The following SLC30A8 variants were observed in gnomAD, a reference collection of about 807,000 sequenced individuals.
SLC30A8 encodes the protein solute carrier family 30 member 8.
Under a neutral mutation model 36.9 loss-of-function variants are expected in SLC30A8, and 27 were observed. That is an observed-to-expected ratio of 0.73 (90% CI 0.54 to 1.01). The LOEUF is 1.01. SLC30A8 is among the 50% of genes least tolerant of loss of function. The pLI, the probability that SLC30A8 is intolerant of heterozygous loss-of-function variation, is 0.00. For missense variants in SLC30A8, 439 were observed against 452.0 expected (o/e 0.97, Z 0.26); for synonymous variants, 164 against 172.4 (o/e 0.95, Z 0.38).
intron 1 of SLC30A8, among the ~76,000 whole-genome samples, chr8:116,977,606 G>A (rs1355871173): frequency 6.6e-6 from 1 of 151,180 alleles, no homozygotes; most frequent in East Asian, 1.9e-4. Flanking sequence ...CCGCCTCCCG[G>A]GTTCAAGCAA....
intron 2 of SLC30A8, among the ~76,000 whole-genome samples, chr8:117,115,533 A>C (rs1329262643): frequency 6.6e-6 from 1 of 152,064 alleles, no homozygotes; most frequent in Non-Finnish European, 1.5e-5. Context: ...TCATTGTTAT[A>C]ATTTTATTTC....
At chr8:117,018,389 T>C (rs1816589318) in intron 1 of SLC30A8, 1 of 152,214 alleles carries the variant, frequency 6.6e-6, no homozygotes, top group South Asian at 2.1e-4. Context: ...AGCTATTTTA[T>C]ATTCTTCTTT....
rs901623560 is a variant in SLC30A8, at chr8:117,174,510, C to T, written c.*1829C>T. On this transcript the variant is annotated 3_prime_UTR_variant, in exon 8 of 8. Transcript: ENST00000456015. ...GGATTAGAGCTGCTCAGGTTCCCAA[C>T]GTCTCCTGCCACATCGGGTTCTCAA... is the stretch of plus-strand genomic sequence containing the variant. The T allele has an allele frequency of 2.0e-5, 3 of 152,494 alleles. No individual in the cohort carries two copies. Among genetic ancestry groups the T allele is most frequent in the African/African-American group, 4.8e-5 (2 of 41,420 alleles). 9.4% of individuals were successfully genotyped at this position (152,494 alleles called of 1,614,324 possible).
intron 1 of SLC30A8, among the ~76,000 whole-genome samples, chr8:116,990,308 T>C (rs1490605442): frequency 6.6e-6 from 1 of 151,912 alleles, no homozygotes; most frequent in East Asian, 1.9e-4. Flanking sequence ...AAGAATAGTG[T>C]TTAGAAAGGA....
chr8:117,093,645 G>A (rs1291916667), intron 2 of SLC30A8, among the ~76,000 whole-genome samples: 2 of 152,138 alleles, frequency 1.3e-5, no homozygotes, highest in Non-Finnish European at 2.9e-5. Context: ...ATGCTAATTA[G>A]TAACACTAAC....
intron 1 of SLC30A8, among the ~76,000 whole-genome samples, chr8:117,010,164 GCCT>G (rs1183010857): frequency 6.6e-6 from 1 of 152,206 alleles, no homozygotes; most frequent in African/African-American, 2.4e-5. Context: ...TGGAACAGAG[GCCT>G]CAGAAGACCC....
intron 2 of SLC30A8, among the ~76,000 whole-genome samples, chr8:117,115,534 A>G (rs2130887733): frequency 6.6e-6 from 1 of 152,206 alleles, no homozygotes; most frequent in East Asian, 1.9e-4. Context: ...CATTGTTATA[A>G]TTTTATTTCT....
chr8:116,961,157 C>T lies in SLC30A8; in HGVS notation c.-266+10038C>T, dbSNP rs187325503. Among the ~76,000 whole-genome samples, 680 of 152,278 alleles carry T rather than the reference C, an allele frequency of 4.5e-3. 2 individuals are homozygous for T. Among genetic ancestry groups the T allele is most frequent in the African/African-American group, 0.015 (627 of 41,574 alleles). On this transcript the variant is annotated intron_variant, in intron 1 of 10. Coordinates refer to the SLC30A8 transcript ENST00000427715. Reference sequence around the variant, plus strand: ...TTTAAAAAGATTTATGGGCCAGGCGCGGTGGCTCACGCCTGTAATCCCAGC... The same window carrying T: ...TTTAAAAAGATTTATGGGCCAGGCGTGGTGGCTCACGCCTGTAATCCCAGC...
At chr8:117,134,339 A>G (rs1222426175), upstream of SLC30A8, among the ~76,000 whole-genome samples, 1 of 152,024 alleles carries the variant, frequency 6.6e-6, no homozygotes, top group Non-Finnish European at 1.5e-5. Flanking sequence ...ACCGTTGTGT[A>G]CATCTTTATA....
intron 2 of SLC30A8, among the ~76,000 whole-genome samples, chr8:117,048,561 T>C (rs1817619095): frequency 6.6e-6 from 1 of 152,224 alleles, no homozygotes; most frequent in Non-Finnish European, 1.5e-5. Context: ...CATTTATCAC[T>C]AGATCCTGCT....
At chr8:116,950,712 T>G (rs1813965248), upstream of SLC30A8, 1 of 152,178 alleles carries the variant, frequency 6.6e-6, no homozygotes, top group African/African-American at 2.4e-5. Flanking sequence ...CAGGATTCAG[T>G]CTGGGACTTT....
At chr8:116,969,469 G>A (rs1814715442) in intron 1 of SLC30A8, among the ~76,000 whole-genome samples, 1 of 152,022 alleles carries the variant, frequency 6.6e-6, no homozygotes, top group Non-Finnish European at 1.5e-5. Flanking sequence ...CATCTCATAG[G>A]GTTAAAAAAT....
intron 2 of SLC30A8, among the ~76,000 whole-genome samples, chr8:117,125,370 A>G (rs1470422437): frequency 1.3e-5 from 2 of 152,072 alleles, no homozygotes; most frequent in Non-Finnish European, 2.9e-5. Context: ...CAGAGGAACC[A>G]GTAGTTTATG....
intron 2 of SLC30A8, chr8:117,147,548 A>G (rs1042754009): frequency 5.9e-6 from 1 of 168,614 alleles, no homozygotes; most frequent in Non-Finnish European, 1.3e-5. Context: ...CTCTATTGTT[A>G]GAAATTTAGG....
At chr8:116,964,198 A>T (rs60127405) in intron 1 of SLC30A8, among the ~76,000 whole-genome samples, 3,442 of 152,266 alleles carry the variant, frequency 0.023, 116 homozygotes, top group African/African-American at 0.077. Flanking sequence ...TTTTCCTAAT[A>T]AGATATTGGA....
chr8:117,106,706 G>A (rs1586527529), intron 2 of SLC30A8, among the ~76,000 whole-genome samples: 1 of 152,040 alleles, frequency 6.6e-6, no homozygotes, highest in East Asian at 1.9e-4. Context: ...TTTTCCACCT[G>A]GAATCCCCAG....
At chr8:117,127,073 T>C (rs1726317268) in intron 2 of SLC30A8, among the ~76,000 whole-genome samples, 1 of 152,052 alleles carries the variant, frequency 6.6e-6, no homozygotes, top group Non-Finnish European at 1.5e-5. Context: ...ACCATACTGC[T>C]TTCTAGAAGA....
In SLC30A8 at chr8:117,073,598, G is replaced by T. The variant is rs530245128; in HGVS notation, c.-226+34340G>T. ...ACTCTACAAATAGTTCTTGCTTTTT[G>T]ACTTAAAATAGGCCACTATTCTTTA... On this transcript the variant is annotated intron_variant, in intron 2 of 10. Coordinates refer to the SLC30A8 transcript ENST00000427715. 2.0e-5 allele frequency among the ~76,000 whole-genome samples: 3 copies of T among 152,204 alleles called. No individual in the cohort carries two copies. In the South Asian group the frequency reaches 6.2e-4, roughly 32 times the overall value.
At chr8:117,107,082 C>T (rs1312644928) in intron 2 of SLC30A8, among the ~76,000 whole-genome samples, 4 of 152,160 alleles carry the variant, frequency 2.6e-5, no homozygotes, top group Non-Finnish European at 2.9e-5. Context: ...GAGTTTCTCA[C>T]AGGACTATTG....
Sources: gnomAD v4.1 joint callset for allele counts (sites outside exome capture counted in the v4.1 genomes callset) on GRCh38, gnomAD v4.1.1 for gene constraint, MANE v1.5 for transcripts, NCBI Gene and HGNC (gene_info 2026-07-23, HGNC 2026-07-21) for gene names.